Variants in DGKA observed in about 807,000 individuals in gnomAD.
The protein encoded by DGKA is 80 kDa diacylglycerol kinase.
A neutral mutation model predicts 105.0 loss-of-function variants in DGKA; 35 were observed. The observed-to-expected ratio is 0.33, with a 90% CI of 0.25 to 0.44. The LOEUF (loss-of-function observed/expected upper bound fraction) is 0.44. Among genes scored for constraint, DGKA ranks in the 20% least tolerant of loss-of-function variants. The pLI, the probability that DGKA is intolerant of heterozygous loss-of-function variation, is 1.00. For synonymous variants in DGKA, 296 were observed against 332.0 expected (o/e 0.89, Z 1.18); for missense variants, 665 against 915.0 (o/e 0.73, Z 3.53).
Position 55,952,560 on chromosome 12 carries a change from C to G in DGKA, c.1743+129C>G. The G allele has an allele frequency of 8.5e-7, 1 of 1,176,508 alleles. No individual in the cohort carries two copies. Among genetic ancestry groups the G allele is most frequent in the South Asian group, 1.3e-5 (1 of 75,532 alleles). 72.9% of individuals were successfully genotyped at this position (1,176,508 alleles called of 1,614,324 possible). A position where few individuals can be genotyped will look rare whatever the true frequency, so the allele number is the denominator to read the frequency against. ...CTTCTTTAACCTCCCAGCTCTCCTACCCCAATTCTCCAAGTCCTCAAGATA... is the reference window on the plus strand; with the variant it reads ...CTTCTTTAACCTCCCAGCTCTCCTAGCCCAATTCTCCAAGTCCTCAAGATA... On this transcript the variant is annotated intron_variant, in intron 20 of 23. Transcript: ENST00000331886. This position sits in a 1 kb window ranked among gnomAD's most constrained non-coding sequence, Gnocchi z 5.1.
intron 4 of DGKA, 148 bp downstream of exon 4, chr12:55,937,691 G>A: frequency 9.2e-7 from 1 of 1,090,666 alleles, no homozygotes; most frequent in Non-Finnish European, 1.3e-6. Context: ...GGAGCTAAAG[G>A]GAGGAAAGGT....
At chr12:55,939,971 G>A in intron 9 of DGKA, 111 bp from the exon 10 acceptor site, 1 of 1,000,708 alleles carries the variant, frequency 1.0e-6, no homozygotes, top group East Asian at 2.4e-5. Context: ...CTTTTATTCT[G>A]CTACACCCTC....
upstream of DGKA, chr12:55,929,744 T>C (rs1883285152): frequency 6.6e-6 from 1 of 152,260 alleles, no homozygotes; most frequent in African/African-American, 2.4e-5. Context: ...TCTTGGCTTT[T>C]CTTCCCCCAC....
Position 55,937,980 on chromosome 12 carries a change from G to A in DGKA, c.277G>A (p.Val93Met). The A allele has an allele frequency of 6.2e-7, 1 of 1,614,168 alleles. No individual in the cohort carries two copies. Among genetic ancestry groups the A allele is most frequent in the Non-Finnish European group, 8.5e-7 (1 of 1,180,012 alleles). Residue 93 changes from valine (V) to methionine (M), a missense_variant and splice_region_variant, in exon 5 of 24, where the codon GTG becomes ATG. By Grantham distance (21) the Val-to-Met change is conservative. Around this residue, in one of 3 missense-constraint regions of DGKA, gnomAD observed 504 missense variants for 681.2 expected, o/e 0.74. Transcript: ENST00000331886. Reference sequence around the variant, plus strand: ...CTGATCTGCTTTTTTGTAACCAGATGTGGTGTGTCTCAATGATGTTTCCTG... The same window carrying A: ...CTGATCTGCTTTTTTGTAACCAGATATGGTGTGTCTCAATGATGTTTCCTG... The part of the protein sequence containing the change: ...CLNETNVTKD[V>M]VCLNDVSCYF...
rs1279023736 is a variant in DGKA at position 55,932,703 on chromosome 12, ACACACG to A, written c.-82+1365_-82+1370del. On this transcript the variant is annotated intron_variant, in intron 1 of 23. Transcript: ENST00000331886. This position sits in a 1 kb window ranked among gnomAD's most constrained non-coding sequence, Gnocchi z 4.3. ...GCAATGACACCCTCTACACACACACACACACGCACACACACACACACACACACACAC... is the reference window on the plus strand; with the variant it reads ...GCAATGACACCCTCTACACACACACACACACACACACACACACACACACAC... 4.9e-3 allele frequency: 2,819 copies of A among 573,556 alleles called. 50 individuals carry two copies. In the African/African-American group the frequency reaches 0.08, roughly 16 times the overall value. 35.5% of individuals were successfully genotyped at this position (573,556 alleles called of 1,614,324 possible).
chr12:55,936,747 G>C, intron 2 of DGKA, 180 bp downstream of exon 2: 2 of 979,544 alleles, frequency 2.0e-6, no homozygotes, highest in Non-Finnish European at 3.2e-6. Context: ...AAAAGATCCG[G>C]ATCTACCACA....
At chr12:55,937,578 T>C in intron 4 of DGKA, 35 bp downstream of exon 4, 2 of 1,600,218 alleles carry the variant, frequency 1.2e-6, no homozygotes, top group Non-Finnish European at 1.7e-6. Flanking sequence ...GCTAAGCCTC[T>C]GGCAGAAAAA....
At chr12:55,939,063 C>T (rs1401523974) in intron 7 of DGKA, 74 bp downstream of exon 7, 12 of 1,608,170 alleles carry the variant, frequency 7.5e-6, no homozygotes, top group Non-Finnish European at 1.0e-5. Context: ...CTTACTTCAT[C>T]TCTGACAGGC....
At chr12:55,938,283 G>C in intron 5 of DGKA, 3 of 681,922 alleles carry the variant, frequency 4.4e-6, no homozygotes, top group Non-Finnish European at 7.5e-6. Flanking sequence ...AGGCGGCCTA[G>C]GATGTCCTTG....
chr12:55,938,895 T>G lies in DGKA; in HGVS notation c.400-20T>G, dbSNP rs748730629. ...GTAGTAAAGGGGATATGGCTGTGGCTCTTGCCCTTTTTGCTCCAGGAAGTG... is the reference window on the plus strand; with the variant it reads ...GTAGTAAAGGGGATATGGCTGTGGCGCTTGCCCTTTTTGCTCCAGGAAGTG... On this transcript the variant is annotated intron_variant, in intron 6 of 23. Transcript: ENST00000331886. 6.2e-7 allele frequency: 1 copy of G among 1,614,080 alleles called. No homozygotes were observed. The highest frequency in any genetic ancestry group is 8.5e-7 in the Non-Finnish European group (1 of 1,179,880).
At chr12:55,945,381 C>G (rs1348733398) in intron 17 of DGKA, among the ~76,000 whole-genome samples, 7 of 152,116 alleles carry the variant, frequency 4.6e-5, no homozygotes, top group African/African-American at 1.7e-4. Flanking sequence ...AACAGTTGAG[C>G]AGAGGAAGAG....
chr12:55,942,358 G>A lies in DGKA; in HGVS notation c.1426+95G>A, dbSNP rs1025819471. On this transcript the variant is annotated intron_variant, in intron 17 of 23. Coordinates refer to ENST00000331886, the MANE Select transcript of DGKA (RefSeq NM_001345.5). ...AGAAACTAGGCATCTGGTATGGAAA[G>A]GATTGGGGAAGAAGAGGGGCACAGA... is the stretch of plus-strand genomic sequence containing the variant. 5.7e-5 allele frequency: 68 copies of A among 1,201,480 alleles called. No homozygotes were observed. In the South Asian group the frequency reaches 8.4e-4, roughly 15 times the overall value. The allele number at this position is 1,201,480 out of a possible 1,614,324, so 74.4% of individuals were successfully genotyped here. A position where few individuals can be genotyped will look rare whatever the true frequency, so the allele number is the denominator to read the frequency against.
chr12:55,928,491 G>A (rs1407242153), upstream of DGKA, among the ~76,000 whole-genome samples: 3 of 151,446 alleles, frequency 2.0e-5, no homozygotes, highest in Non-Finnish European at 4.4e-5. Flanking sequence ...ACCTGGCCAA[G>A]ATGGCGAAAC....
At chr12:55,941,146 G>A in intron 13 of DGKA, 106 bp from the exon 14 acceptor site, 1 of 1,380,220 alleles carries the variant, frequency 7.2e-7, no homozygotes, top group Non-Finnish European at 1.0e-6. Context: ...GAGGGAGGGG[G>A]GAAATATCTT....
intron 1 of DGKA, among the ~76,000 whole-genome samples, chr12:55,933,179 G>C (rs922036018): frequency 2.6e-5 from 4 of 152,164 alleles, no homozygotes; most frequent in Non-Finnish European, 5.9e-5. Flanking sequence ...ACTAAGGATG[G>C]GTGTCTAGAG....
intron 17 of DGKA, among the ~76,000 whole-genome samples, chr12:55,945,946 C>T (rs1486230875): frequency 6.6e-6 from 1 of 151,966 alleles, no homozygotes; most frequent in Non-Finnish European, 1.5e-5. Context: ...TATGCCAACA[C>T]ACCGGCTAAT....
At chr12:55,943,637 CT>C (rs374181692) in intron 17 of DGKA, among the ~76,000 whole-genome samples, 1 of 150,938 alleles carries the variant, frequency 6.6e-6, no homozygotes, top group African/African-American at 2.4e-5. Flanking sequence ...TGAGCAAACT[CT>C]TTTTTTTTCT....
chr12:55,932,840 A>T lies in DGKA; in HGVS notation c.-82+1496A>T. ...AATGATTCCCTCTTGAGGGCTACCT[A>T]CTAGCAGCAACGGTCAGGGAGAGGA... On this transcript the variant is annotated intron_variant, in intron 1 of 23. Transcript: ENST00000331886. This position sits in a 1 kb window ranked among gnomAD's most constrained non-coding sequence, Gnocchi z 4.3. 2 of 500,760 alleles carry T rather than the reference A, an allele frequency of 4.0e-6. No homozygotes were observed. Among genetic ancestry groups the T allele is most frequent in the Non-Finnish European group, 7.2e-6 (2 of 276,174 alleles). The allele number at this position is 500,760 out of a possible 1,614,324, so 31.0% of individuals were successfully genotyped here. A position where few individuals can be genotyped will look rare whatever the true frequency, so the allele number is the denominator to read the frequency against.
At position 55,940,782 on chromosome 12, in the gene DGKA, A is replaced by C; in HGVS notation, c.1017+60A>C. 1.3e-6 allele frequency: 2 copies of C among 1,596,110 alleles called. No homozygotes were observed. The highest frequency in any genetic ancestry group is 1.7e-4 in the Middle Eastern group (1 of 6,036). ...AGTGCCTCCCCGATTTCCCACACGC[A>C]CAGAGTGGCATTTAGAATAGAGAGC... On this transcript the variant is annotated intron_variant, in intron 12 of 23. Coordinates refer to ENST00000331886, the MANE Select transcript of DGKA (RefSeq NM_001345.5). The surrounding 1 kb of genome is among the most constrained non-coding windows in gnomAD (Gnocchi z 4.3).
Sources: gnomAD v4.1 joint callset for allele counts (sites outside exome capture counted in the v4.1 genomes callset) on GRCh38, gnomAD v4.1.1 for gene constraint, gnomAD v4.1.1 regional missense constraint, Gnocchi (gnomAD v3.1) non-coding constraint, MANE v1.5 for transcripts, NCBI Gene and HGNC (gene_info 2026-07-23, HGNC 2026-07-21) for gene names.